Variants in SMYD2 observed in about 807,000 individuals in gnomAD.
SMYD2 encodes the protein SET and MYND domain containing 2.
SMYD2 carries 53 observed loss-of-function variants against 59.1 expected under a neutral mutation model. The observed-to-expected ratio is 0.90, with a 90% CI of 0.72 to 1.13. SMYD2 has a LOEUF of 1.13. Ranked by LOEUF, SMYD2 falls within the 50% of genes most tolerant of loss-of-function variation. The probability of loss-of-function intolerance (pLI) is 0.00; values close to 1 mark genes in which losing one functional copy is unlikely to be tolerated. For synonymous variants in SMYD2, 208 were observed against 198.8 expected (o/e 1.05, Z -0.39); for missense variants, 494 against 544.7 (o/e 0.91, Z 0.93).
chr1:214,312,253 T>C lies in SMYD2; in HGVS notation c.238-2509T>C, dbSNP rs1030423131. On this transcript the variant is annotated intron_variant, in intron 2 of 11. Transcript: ENST00000366957. The surrounding 1 kb of genome is among the most constrained non-coding windows in gnomAD (Gnocchi z 4.1). ...CATTAAATCATTAAGTGACATTATGTGCTTCCTTCTTGGGGGATCAGTGTG... is the reference window on the plus strand; with the variant it reads ...CATTAAATCATTAAGTGACATTATGCGCTTCCTTCTTGGGGGATCAGTGTG... Among the ~76,000 whole-genome samples the C allele has an allele frequency of 1.3e-5, 2 of 152,228 alleles. No individual in the cohort carries two copies. The highest frequency in any genetic ancestry group is 4.8e-5 in the African/African-American group (2 of 41,460).
At chr1:214,297,185 AAC>A (rs202062160) in intron 1 of SMYD2, among the ~76,000 whole-genome samples, 1,886 of 152,322 alleles carry the variant, frequency 0.012, 22 homozygotes, top group African/African-American at 0.043. Flanking sequence ...GCCTGGGCCC[AAC>A]ACATACCAAT....
Position 214,324,629 on chromosome 1 carries a change from T to G in SMYD2, c.535-12T>G. On this transcript the variant is annotated splice_polypyrimidine_tract_variant and intron_variant, in intron 5 of 11. Coordinates refer to ENST00000366957, the MANE Select transcript of SMYD2 (RefSeq NM_020197.3). ...GCTCATTTTTTTCCTTTCTCCCTTT[T>G]TCTTGCTGCAGGTTAACTGTAATGG... The G allele has an allele frequency of 6.3e-7, 1 of 1,599,980 alleles. No individual in the cohort carries two copies. Among genetic ancestry groups the G allele is most frequent in the Non-Finnish European group, 8.5e-7 (1 of 1,175,252 alleles).
chr1:214,291,784 A>G (rs182031625), intron 1 of SMYD2, among the ~76,000 whole-genome samples: 1 of 152,232 alleles, frequency 6.6e-6, no homozygotes, highest in African/African-American at 2.4e-5. Flanking sequence ...ATCAGATACT[A>G]CTTAGGTCCA....
At chr1:214,319,276 G>C (rs1657133969) in intron 5 of SMYD2, among the ~76,000 whole-genome samples, 1 of 152,092 alleles carries the variant, frequency 6.6e-6, no homozygotes, top group Admixed American at 6.5e-5. Flanking sequence ...TGGTACTCTG[G>C]CATACTTTAA....
intron 1 of SMYD2, among the ~76,000 whole-genome samples, chr1:214,281,895 C>T (rs746942427): frequency 2.0e-5 from 3 of 152,202 alleles, no homozygotes; most frequent in Admixed American, 6.5e-5. Flanking sequence ...GCCGTTTCTT[C>T]CAAGGAATTT....
intron 11 of SMYD2, among the ~76,000 whole-genome samples, chr1:214,335,314 C>T (rs1657418751): frequency 6.6e-6 from 1 of 152,236 alleles, no homozygotes; most frequent in South Asian, 2.1e-4. Context: ...TGGAATTTGT[C>T]TTCTGAGAAT....
chr1:214,285,449 G>A (rs1198515492), intron 1 of SMYD2, among the ~76,000 whole-genome samples: 1 of 152,164 alleles, frequency 6.6e-6, no homozygotes, highest in Admixed American at 6.5e-5. Context: ...TGTTTTGGGG[G>A]AGAAATGGCT....
intron 6 of SMYD2, 97 bp downstream of exon 6, chr1:214,324,805 C>G: frequency 9.3e-7 from 1 of 1,075,976 alleles, no homozygotes. Flanking sequence ...CTGCATGTGG[C>G]AGACATGAAA....
rs2102448130 is a variant in SMYD2, at chr1:214,281,263, C to T, written c.9C>T (p.Ala3=). The change falls in exon 1 of 12, where the codon GCC becomes GCT. Residue 3 remains alanine, a synonymous_variant. Transcript: ENST00000366957. ...CGCGCCCCGCCGCCACCATGAGGGC[C>T]GAGGGCCTCGGCGGCCTGGAGCGCT... MR[A]EGLGGLERFC... is the part of the protein sequence containing the mutation. 7.9e-7 allele frequency: 1 copy of T among 1,260,562 alleles called. No individual in the cohort carries two copies. The highest frequency in any genetic ancestry group is 1.0e-6 in the Non-Finnish European group (1 of 996,042). The allele number at this position is 1,260,562 out of a possible 1,614,324, so 78.1% of individuals were successfully genotyped here.
At chr1:214,310,960 C>A (rs182323621) in intron 2 of SMYD2, among the ~76,000 whole-genome samples, 16 of 152,108 alleles carry the variant, frequency 1.1e-4, no homozygotes, top group Admixed American at 3.9e-4. Context: ...ATATCTCTGC[C>A]CTTCCTCCGT....
intron 6 of SMYD2, among the ~76,000 whole-genome samples, chr1:214,325,808 C>T (rs1015361243): frequency 2.7e-5 from 4 of 145,930 alleles, no homozygotes; most frequent in Non-Finnish European, 6.0e-5. Flanking sequence ...ACTTTGGCCC[C>T]TGGGAAAAGG....
At chr1:214,298,482 T>C (rs1369528025) in intron 1 of SMYD2, among the ~76,000 whole-genome samples, 8 of 152,202 alleles carry the variant, frequency 5.3e-5, no homozygotes, top group Admixed American at 5.2e-4. Context: ...ATTCTGGACA[T>C]TGGCCTTGGC....
At position 214,330,841 on chromosome 1, in the gene SMYD2, A is replaced by G. The variant is rs1388824371; in HGVS notation, c.817-109A>G. On this transcript the variant is annotated intron_variant, in intron 8 of 11. Coordinates refer to ENST00000366957, the MANE Select transcript of SMYD2 (RefSeq NM_020197.3). ...CCTTTCATTCTTTTGTAACCTTGGAATGGGCCAGTGTCGACCGCTGTGTGG... is the reference window on the plus strand; with the variant it reads ...CCTTTCATTCTTTTGTAACCTTGGAGTGGGCCAGTGTCGACCGCTGTGTGG... 1.1e-5 allele frequency: 17 copies of G among 1,491,778 alleles called. No individual in the cohort carries two copies. In the East Asian group the frequency reaches 3.7e-4, roughly 32 times the overall value. The allele number at this position is 1,491,778 out of a possible 1,614,324, so 92.4% of individuals were successfully genotyped here.
intron 6 of SMYD2, chr1:214,327,379 G>T: frequency 2.4e-6 from 1 of 419,148 alleles, no homozygotes; most frequent in Non-Finnish European, 4.4e-6. Context: ...GTGTTTTTTG[G>T]TTTTGGCTTA....
chr1:214,300,638 A>G (rs1233039999), intron 1 of SMYD2, among the ~76,000 whole-genome samples: 3 of 152,122 alleles, frequency 2.0e-5, no homozygotes, highest in African/African-American at 7.2e-5. Context: ...TAGAGAGACT[A>G]TTTTTGCTGC....
intron 1 of SMYD2, among the ~76,000 whole-genome samples, chr1:214,298,496 G>A (rs1329339505): frequency 6.6e-6 from 1 of 152,174 alleles, no homozygotes; most frequent in Non-Finnish European, 1.5e-5. Context: ...CCTTGGCAAA[G>A]GACTATGACT....
chr1:214,314,866 C>T lies in SMYD2; in HGVS notation c.342C>T (p.Ala114=). Residue 114 remains alanine (A), a synonymous_variant, in exon 3 of 12, where the codon GCC becomes GCT. Transcript: ENST00000366957. ...ETVRLTARIL[A]KQKIHPERTP... is the part of the protein sequence containing the mutation. Reference sequence around the variant, plus strand: ...TAAGACTAACAGCAAGGATTCTGGCCAAACAGGTGAGGAAATGGGACAATG... The same window carrying T: ...TAAGACTAACAGCAAGGATTCTGGCTAAACAGGTGAGGAAATGGGACAATG... 6.2e-7 allele frequency: 1 copy of T among 1,612,182 alleles called. No individual in the cohort carries two copies. The highest frequency in any genetic ancestry group is 2.2e-5 in the East Asian group (1 of 44,874).
At chr1:214,291,768 G>T (rs551895675) in intron 1 of SMYD2, among the ~76,000 whole-genome samples, 1 of 152,116 alleles carries the variant, frequency 6.6e-6, no homozygotes, top group South Asian at 2.1e-4. Context: ...CTAAGAGAGA[G>T]CTTCGATCAG....
intron 1 of SMYD2, among the ~76,000 whole-genome samples, chr1:214,286,173 C>CT (rs1418678264): frequency 6.6e-6 from 1 of 152,152 alleles, no homozygotes; most frequent in African/African-American, 2.4e-5. Context: ...CCCAGGTTCC[C>CT]TTATCTGTAA....
Sources: allele counts gnomAD v4.1 joint callset (sites outside exome capture counted in the v4.1 genomes callset), GRCh38; gene constraint gnomAD v4.1.1; non-coding constraint Gnocchi (gnomAD v3.1); transcripts MANE v1.5; gene names NCBI Gene and HGNC (gene_info 2026-07-23, HGNC 2026-07-21).